Variants in ERBB4 observed in about 807,000 individuals in gnomAD.
ERBB4 encodes the protein erb-b2 receptor tyrosine kinase 4, also known as receptor tyrosine-protein kinase erbB-4.
In ERBB4, 42 loss-of-function variants were observed where a neutral mutation model predicts 158.0. The ratio of observed to expected loss-of-function variants is 0.27; its 90% CI spans 0.21 to 0.34. ERBB4 has a LOEUF of 0.34. Among genes scored for constraint, ERBB4 ranks in the 10% least tolerant of loss-of-function variants. ERBB4 has a pLI of 1.00. For missense variants in ERBB4, 1,333 were observed against 1,624.1 expected, an observed-to-expected ratio of 0.82 and a Z score of 3.08; for synonymous variants, 583 against 558.7, an observed-to-expected ratio of 1.04 and a Z score of -0.61.
intron 1 of ERBB4, among the ~76,000 whole-genome samples, chr2:212,138,021 A>G (rs2080329622): frequency 6.6e-6 from 1 of 152,196 alleles, no homozygotes; most frequent in Admixed American, 6.6e-5. Context: ...AATACAATCT[A>G]TGTCACAGAT....
chr2:212,166,186 T>C (rs1383876938), intron 1 of ERBB4, among the ~76,000 whole-genome samples: 1 of 152,092 alleles, frequency 6.6e-6, no homozygotes, highest in Non-Finnish European at 1.5e-5. Context: ...TCCCTGACCT[T>C]TGGCATCTTA....
At chr2:211,684,947 T>A (rs1574982428) in intron 12 of ERBB4, among the ~76,000 whole-genome samples, 1 of 152,312 alleles carries the variant, frequency 6.6e-6, no homozygotes, top group East Asian at 1.9e-4. Flanking sequence ...TGCCCTGCAA[T>A]CATTAAACTG....
At chr2:212,467,156 A>T (rs1688879618) in intron 1 of ERBB4, among the ~76,000 whole-genome samples, 1 of 152,216 alleles carries the variant, frequency 6.6e-6, no homozygotes, top group African/African-American at 2.4e-5. Context: ...CAGAGTATAA[A>T]AGTTTGGAAA....
chr2:212,183,316 A>G (rs2081928067), intron 1 of ERBB4, among the ~76,000 whole-genome samples: 2 of 151,976 alleles, frequency 1.3e-5, no homozygotes, highest in South Asian at 4.1e-4. Flanking sequence ...TTTATATGCT[A>G]ATGCCAATGT....
chr2:212,289,102 A>G (rs1014917283), intron 1 of ERBB4, among the ~76,000 whole-genome samples: 1 of 152,148 alleles, frequency 6.6e-6, no homozygotes, highest in Non-Finnish European at 1.5e-5. Context: ...AAGTTTCCCT[A>G]AGGCCAGCCG....
chr2:211,907,944 C>A (rs921831431), intron 3 of ERBB4, among the ~76,000 whole-genome samples: 2 of 151,752 alleles, frequency 1.3e-5, no homozygotes, highest in African/African-American at 4.8e-5. Flanking sequence ...GCAGAGATTT[C>A]TTTACTTTGC....
chr2:212,019,264 A>G (rs77937207), intron 2 of ERBB4, among the ~76,000 whole-genome samples: 1 of 152,338 alleles, frequency 6.6e-6, no homozygotes, highest in Non-Finnish European at 1.5e-5. Context: ...CCCTTATTAT[A>G]TAGCCATCTT....
At chr2:212,320,929 G>C (rs555948585) in intron 1 of ERBB4, among the ~76,000 whole-genome samples, 1 of 150,154 alleles carries the variant, frequency 6.7e-6, no homozygotes, top group Admixed American at 6.6e-5. Context: ...CGAAACAAAA[G>C]AAAACCTGAA....
intron 1 of ERBB4, among the ~76,000 whole-genome samples, chr2:212,536,276 C>A (rs1457261709): frequency 1.3e-5 from 2 of 151,972 alleles, no homozygotes; most frequent in African/African-American, 4.8e-5. Context: ...TGCATTAAAA[C>A]CAGCTGAACT....
chr2:211,649,132 T>C (rs893492003), intron 16 of ERBB4, among the ~76,000 whole-genome samples: 1 of 151,972 alleles, frequency 6.6e-6, no homozygotes, highest in Admixed American at 6.6e-5. Context: ...GATAAAATAC[T>C]CTGTGTGAGA....
intron 20 of ERBB4, among the ~76,000 whole-genome samples, chr2:211,490,508 T>C (rs1312092075): frequency 6.6e-6 from 1 of 152,024 alleles, no homozygotes; most frequent in East Asian, 1.9e-4. Flanking sequence ...AATAAATGGA[T>C]GACTTAATTA....
At chr2:211,769,273 A>G (rs149073601) in intron 4 of ERBB4, among the ~76,000 whole-genome samples, 200 of 152,298 alleles carry the variant, frequency 1.3e-3, no homozygotes, top group African/African-American at 4.5e-3. Context: ...CACTATCAGC[A>G]TTTTGGTCAA....
chr2:212,056,811 C>T (rs552730560), intron 2 of ERBB4, among the ~76,000 whole-genome samples: 103 of 152,264 alleles, frequency 6.8e-4, no homozygotes, highest in Non-Finnish European at 1.2e-3. Context: ...CTGGTATCAG[C>T]CACTGCAAAA....
chr2:212,355,410 G>A (rs2089426145), intron 1 of ERBB4, among the ~76,000 whole-genome samples: 1 of 151,964 alleles, frequency 6.6e-6, no homozygotes, highest in African/African-American at 2.4e-5. Context: ...GCTCCCTTTG[G>A]AAATAAAAGG....
At chr2:212,122,071 TCATA>T (rs2079768314) in intron 2 of ERBB4, among the ~76,000 whole-genome samples, 2 of 150,512 alleles carry the variant, frequency 1.3e-5, no homozygotes, top group African/African-American at 4.9e-5. Context: ...GTATATAAAC[TCATA>T]CATACACACA....
At chr2:212,410,508 C>T (rs77120845) in intron 1 of ERBB4, among the ~76,000 whole-genome samples, 1,661 of 151,986 alleles carry the variant, frequency 0.011, 20 homozygotes, top group Middle Eastern at 0.038. Context: ...AAATCCTGAA[C>T]GGCATTAAAT....
chr2:212,431,688 A>G (rs1410805519), intron 1 of ERBB4, among the ~76,000 whole-genome samples: 1 of 152,158 alleles, frequency 6.6e-6, no homozygotes, highest in Non-Finnish European at 1.5e-5. Context: ...GACATCTCTC[A>G]TGACCCTTGC....
At chr2:212,252,113 CCAGGTGTCTGACTTAAG>C (rs2084557678) in intron 1 of ERBB4, among the ~76,000 whole-genome samples, 1 of 151,998 alleles carries the variant, frequency 6.6e-6, no homozygotes, top group African/African-American at 2.4e-5. Context: ...AAGATACGTT[CCAGGTGTCTGACTTAAG>C]CAACTAAAAG....
chr2:211,665,237 G>T, intron 15 of ERBB4, 86 bp downstream of exon 15: 1 of 1,275,616 alleles, frequency 7.8e-7, no homozygotes, highest in Non-Finnish European at 1.1e-6. Flanking sequence ...TATGAGAATG[G>T]TATACATTTC....
Sources: gnomAD v4.1 joint callset for allele counts (sites outside exome capture counted in the v4.1 genomes callset) on GRCh38, gnomAD v4.1.1 for gene constraint, MANE v1.5 for transcripts, NCBI Gene and HGNC (gene_info 2026-07-23, HGNC 2026-07-21) for gene names.